Variants in SHCBP1 observed in about 807,000 individuals in gnomAD.
SHCBP1 encodes SHC binding and spindle associated 1.
A neutral mutation model predicts 75.1 loss-of-function variants in SHCBP1; 60 were observed. The observed-to-expected ratio is 0.80, with a 90% CI of 0.65 to 0.99. The LOEUF (loss-of-function observed/expected upper bound fraction) is 0.99, where lower values mean the gene tolerates loss of function less well. SHCBP1 is among the 50% of genes least tolerant of loss of function. The pLI is 0.00. For synonymous variants in SHCBP1, 290 were observed against 293.2 expected, an observed-to-expected ratio of 0.99 and a Z score of 0.11; for missense variants, 709 against 809.4, an observed-to-expected ratio of 0.88 and a Z score of 1.50.
chr16:46,603,970 T>A lies in SHCBP1; in HGVS notation c.1092+5A>T. ...GCCACCTGGAGTGAGAAACTCTCCG[T>A]TTACCTGAATTTCTCTTTCTTCCTC... is the stretch of plus-strand genomic sequence containing the variant. On this transcript the variant is annotated splice_donor_5th_base_variant and intron_variant, in intron 7 of 12. Transcript: ENST00000303383. 1 of 1,602,378 alleles carries A rather than the reference T, an allele frequency of 6.2e-7. No homozygotes were observed. The highest frequency in any genetic ancestry group is 8.5e-7 in the Non-Finnish European group (1 of 1,176,888).
At chr16:46,594,884 A>G (rs2142999129) in intron 10 of SHCBP1, among the ~76,000 whole-genome samples, 2 of 152,332 alleles carry the variant, frequency 1.3e-5, no homozygotes, top group East Asian at 3.9e-4. Context: ...TGGAACAACC[A>G]CACATTGGAC....
chr16:46,589,281 T>C (rs1291294833), intron 10 of SHCBP1, among the ~76,000 whole-genome samples: 2 of 152,178 alleles, frequency 1.3e-5, no homozygotes, highest in Admixed American at 1.3e-4. Flanking sequence ...GGATGCCCTC[T>C]CTCACCACTC....
At chr16:46,603,514 T>C (rs953377889) in intron 8 of SHCBP1, 25 bp downstream of exon 8, 1 of 1,613,682 alleles carries the variant, frequency 6.2e-7, no homozygotes, top group Non-Finnish European at 8.5e-7. Flanking sequence ...GTGTGAGAGT[T>C]TGGTTGTGTG....
intron 10 of SHCBP1, among the ~76,000 whole-genome samples, chr16:46,588,506 C>T (rs1229796686): frequency 6.6e-6 from 1 of 152,176 alleles, no homozygotes; most frequent in Non-Finnish European, 1.5e-5. Flanking sequence ...ACCAATCCCA[C>T]AGAAATACAA....
intron 6 of SHCBP1, 32 bp from the exon 7 acceptor site, chr16:46,604,175 A>T: frequency 6.2e-7 from 1 of 1,613,066 alleles, no homozygotes; most frequent in Non-Finnish European, 8.5e-7. Context: ...TATCAGTAAG[A>T]CAGCAAGTAA....
At chr16:46,612,478 T>TTGC (rs1331145044) in intron 4 of SHCBP1, among the ~76,000 whole-genome samples, 1 of 152,168 alleles carries the variant, frequency 6.6e-6, no homozygotes, top group Non-Finnish European at 1.5e-5. Flanking sequence ...GTTGTTGTTG[T>TTGC]TGTTGTTGTT....
chr16:46,584,038 C>T lies in SHCBP1; in HGVS notation c.1516G>A (p.Gly506Arg), dbSNP rs769488772. The T allele has an allele frequency of 3.1e-6, 5 of 1,607,064 alleles. No homozygotes were observed. In the Admixed American group the frequency reaches 8.4e-5, roughly 27 times the overall value. Residue 506 changes from glycine (G) to arginine (R), a missense_variant, in exon 11 of 13, where the codon GGG becomes AGG. Coordinates refer to ENST00000303383, the MANE Select transcript of SHCBP1 (RefSeq NM_024745.5). Reference protein sequence around the residue: ...PGSQCTLSDNGIHHCKEGILI... With the variant: ...PGSQCTLSDNRIHHCKEGILI... ...ATCCCTTCCTTGCAGTGATGGATCC[C>T]ATTGTCACTCAGGGTGCACTGACTC...
chr16:46,581,543 A>G lies in SHCBP1; in HGVS notation c.*186T>C. ...ATTTTCTATTTTATATGCATTTATG[A>G]TTTTTCTTATAAAGAGGGAGTGTTT... On this transcript the variant is annotated 3_prime_UTR_variant, in exon 13 of 13. Transcript: ENST00000303383. 8.9e-6 allele frequency: 5 copies of G among 562,598 alleles called. No homozygotes were observed. The South Asian group carries it at 1.3e-4, about 15-fold the overall frequency. The allele number at this position is 562,598 out of a possible 1,614,324, so 34.9% of individuals were successfully genotyped here. A position where few individuals can be genotyped will look rare whatever the true frequency, so the allele number is the denominator to read the frequency against.
At chr16:46,607,145 A>G (rs939969841) in intron 5 of SHCBP1, among the ~76,000 whole-genome samples, 10 of 152,176 alleles carry the variant, frequency 6.6e-5, no homozygotes, top group African/African-American at 2.4e-4. Flanking sequence ...ACTTGAGGTC[A>G]GGAGTTCGAG....
Position 46,599,889 on chromosome 16 carries a change from A to AGC in SHCBP1, c.1285_1286dup (p.Asp430LeufsTer8). On this transcript the variant is annotated frameshift_variant, in exon 9 of 13. Coordinates refer to ENST00000303383, the MANE Select transcript of SHCBP1 (RefSeq NM_024745.5). LOFTEE classifies it high-confidence loss of function. ...ATTTTATGCCTGAGATTTTAATATC[A>AGC]GCACCAGTGCAGTCCACAAAAGTGT... 6.2e-7 allele frequency: 1 copy of AGC among 1,613,024 alleles called. No homozygotes were observed. Among genetic ancestry groups the AGC allele is most frequent in the South Asian group, 1.1e-5 (1 of 90,810 alleles).
intron 4 of SHCBP1, among the ~76,000 whole-genome samples, chr16:46,611,958 CT>C (rs1965422664): frequency 6.6e-6 from 1 of 152,154 alleles, no homozygotes; most frequent in East Asian, 1.9e-4. Flanking sequence ...GGTTGGAATA[CT>C]TTTATAAAGA....
intron 10 of SHCBP1, among the ~76,000 whole-genome samples, chr16:46,588,549 T>C (rs1964989591): frequency 6.6e-6 from 1 of 152,026 alleles, no homozygotes; most frequent in Admixed American, 6.6e-5. Context: ...AACACCTCTA[T>C]GCAAATAAAC....
chr16:46,610,543 A>AT (rs1567452466), intron 4 of SHCBP1, among the ~76,000 whole-genome samples: 1 of 13,580 alleles, frequency 7.4e-5, no homozygotes, highest in East Asian at 1.2e-3. Context: ...CCATGGGGTC[A>AT]ATTTTTTTTT....
Position 46,579,294 on chromosome 16 carries a change from C to G in SHCBP1, c.*2435G>C, listed in dbSNP as rs1260261478. On this transcript the variant is annotated 3_prime_UTR_variant, in exon 13 of 13. Transcript: ENST00000303383. ...TAGGGCACTCCCTAAATTCCCTATGCTATACCATTTGAGATGTTTAACTCT... is the reference window on the plus strand; with the variant it reads ...TAGGGCACTCCCTAAATTCCCTATGGTATACCATTTGAGATGTTTAACTCT... Among the ~76,000 whole-genome samples the G allele has an allele frequency of 6.6e-6, 1 of 152,160 alleles. No homozygotes were observed. Among genetic ancestry groups the G allele is most frequent in the South Asian group, 2.1e-4 (1 of 4,822 alleles).
intron 2 of SHCBP1, among the ~76,000 whole-genome samples, 162 bp downstream of exon 2, chr16:46,618,043 G>A (rs1965529259): frequency 6.6e-6 from 1 of 152,132 alleles, no homozygotes; most frequent in Admixed American, 6.5e-5. Context: ...TGGTGGTATG[G>A]CGCATGCCTG....
At chr16:46,603,505 T>G (rs1343069778) in intron 8 of SHCBP1, 34 bp downstream of exon 8, 2 of 1,613,346 alleles carry the variant, frequency 1.2e-6, no homozygotes, top group South Asian at 2.2e-5. Context: ...ACATATCACG[T>G]GTGAGAGTTT....
intron 9 of SHCBP1, among the ~76,000 whole-genome samples, chr16:46,599,197 CAACT>C (rs1965189777): frequency 6.6e-6 from 1 of 152,136 alleles, no homozygotes. Flanking sequence ...AAAACTTCAC[CAACT>C]GACACAAGAG....
At chr16:46,599,031 G>A (rs149268420) in intron 9 of SHCBP1, among the ~76,000 whole-genome samples, 12 of 152,272 alleles carry the variant, frequency 7.9e-5, no homozygotes, top group South Asian at 4.1e-4. Context: ...TCTGCAATAC[G>A]CTCTGATTTA....
At chr16:46,610,045 G>T (rs938498600) in intron 4 of SHCBP1, among the ~76,000 whole-genome samples, 3 of 151,462 alleles carry the variant, frequency 2.0e-5, no homozygotes, top group African/African-American at 7.3e-5. Context: ...CCAGCTCCTG[G>T]GTTCAAGTAA....
Sources: gnomAD v4.1 joint callset for allele counts (sites outside exome capture counted in the v4.1 genomes callset) on GRCh38, gnomAD v4.1.1 for gene constraint, MANE v1.5 for transcripts, NCBI Gene and HGNC (gene_info 2026-07-23, HGNC 2026-07-21) for gene names.